Variants in PITPNB observed in about 807,000 individuals in gnomAD.
PITPNB encodes phosphatidylinositol transfer protein beta.
A neutral mutation model predicts 45.9 loss-of-function variants in PITPNB; 16 were observed. That is an observed-to-expected ratio of 0.35 (90% CI 0.24 to 0.53). The LOEUF is 0.53. Among genes scored for constraint, PITPNB ranks in the 20% least tolerant of loss-of-function variants. The pLI is 0.93. For missense variants in PITPNB, 188 were observed against 330.5 expected, an observed-to-expected ratio of 0.57 and a Z score of 3.34; for synonymous variants, 112 against 108.9, an observed-to-expected ratio of 1.03 and a Z score of -0.18.
intron 3 of PITPNB, 194 bp from the exon 4 acceptor site, chr22:27,898,086 GAAT>G: frequency 5.6e-6 from 3 of 539,738 alleles, no homozygotes; most frequent in Middle Eastern, 5.0e-4. Flanking sequence ...AAATGATTAA[GAAT>G]ATTTAGCTGG....
Position 27,854,876 on chromosome 22 carries a change from C to T in PITPNB, c.*16G>A. On this transcript the variant is annotated 3_prime_UTR_variant, in exon 11 of 12. Coordinates refer to ENST00000335272, the MANE Select transcript of PITPNB (RefSeq NM_012399.5). The stretch of plus-strand genomic sequence containing the variant: ...TACACAGTTTGACATTGTCTCTGAC[C>T]CTACAGGGGACTCATCTAGACATCA... 6.2e-7 allele frequency: 1 copy of T among 1,611,888 alleles called. No individual in the cohort carries two copies. The highest frequency in any genetic ancestry group is 8.5e-7 in the Non-Finnish European group (1 of 1,178,070).
At chr22:27,883,622 G>C (rs143572769) in intron 7 of PITPNB, among the ~76,000 whole-genome samples, 1 of 152,358 alleles carries the variant, frequency 6.6e-6, no homozygotes, top group East Asian at 1.9e-4. Context: ...GACCACACTT[G>C]AATGCAAAGG....
chr22:27,899,179 T>C (rs1935522194), intron 3 of PITPNB, among the ~76,000 whole-genome samples: 1 of 152,244 alleles, frequency 6.6e-6, no homozygotes, highest in Admixed American at 6.5e-5. Flanking sequence ...CATTGCACAG[T>C]ACAATGAGCT....
In PITPNB at chr22:27,914,923, T is replaced by A. The variant is rs189927330; in HGVS notation, c.21-576A>T. 1.6e-3 allele frequency among the ~76,000 whole-genome samples: 240 copies of A among 152,274 alleles called. 1 individual carries two copies. Among genetic ancestry groups the A allele is most frequent in the African/African-American group, 5.7e-3 (236 of 41,552 alleles). ...CTACTTGAACCTTATAATAATCCCT[T>A]CCAGCATATATACAATATAAGGTTG... On this transcript the variant is annotated intron_variant, in intron 1 of 11. Coordinates refer to ENST00000335272, the MANE Select transcript of PITPNB (RefSeq NM_012399.5).
Position 27,906,173 on chromosome 22 carries a change from GGTTATGA to G in PITPNB, c.197+4784_197+4790del, listed in dbSNP as rs1472731786. On this transcript the variant is annotated intron_variant, in intron 3 of 11. Transcript: ENST00000335272. Reference sequence around the variant, plus strand: ...TGAGGTGTACTCAGAAAACCAAGCAGGTTATGAGAGGCCCCAGCATAAGGGGCTGAAA... The same window carrying G: ...TGAGGTGTACTCAGAAAACCAAGCAGGAGGCCCCAGCATAAGGGGCTGAAA... Among the ~76,000 whole-genome samples the G allele has an allele frequency of 6.6e-5, 10 of 152,322 alleles. No homozygotes were observed. The East Asian group carries it at 1.9e-3, about 29-fold the overall frequency.
chr22:27,861,049 G>T (rs990635655), intron 8 of PITPNB, among the ~76,000 whole-genome samples: 6 of 113,536 alleles, frequency 5.3e-5, no homozygotes, highest in African/African-American at 9.8e-5. Flanking sequence ...AAAAAAAAAA[G>T]GCTGGGCACA....
chr22:27,888,046 T>C (rs1190758539), intron 7 of PITPNB, among the ~76,000 whole-genome samples: 2 of 152,236 alleles, frequency 1.3e-5, no homozygotes, highest in African/African-American at 2.4e-5. Flanking sequence ...ATTAATGGCA[T>C]CTTATGCATT....
intron 6 of PITPNB, among the ~76,000 whole-genome samples, chr22:27,895,701 A>G (rs1341179894): frequency 6.6e-6 from 1 of 152,224 alleles, no homozygotes; most frequent in Non-Finnish European, 1.5e-5. Flanking sequence ...TGGCATCAAT[A>G]ACGTAAGAGC....
intron 7 of PITPNB, among the ~76,000 whole-genome samples, chr22:27,885,212 T>TTAAAAAAAAA (rs1569019261): frequency 9.9e-5 from 3 of 30,232 alleles, no homozygotes; most frequent in East Asian, 1.2e-3. Context: ...AATTTATACC[T>TTAAAAAAAAA]AAAAAAAAAA....
intron 3 of PITPNB, among the ~76,000 whole-genome samples, chr22:27,909,929 AC>A (rs975911873): frequency 6.8e-6 from 1 of 147,056 alleles, no homozygotes; most frequent in African/African-American, 2.5e-5. Context: ...ATAAGCGTAC[AC>A]CACCATGCCC....
At chr22:27,906,395 C>T (rs934451873) in intron 3 of PITPNB, among the ~76,000 whole-genome samples, 36 of 152,162 alleles carry the variant, frequency 2.4e-4, no homozygotes, top group Admixed American at 2.2e-3. Flanking sequence ...GATGGTGAAA[C>T]CTGTGGTTTT....
intron 7 of PITPNB, among the ~76,000 whole-genome samples, chr22:27,876,855 T>C (rs1203835265): frequency 6.6e-6 from 1 of 152,190 alleles, no homozygotes; most frequent in African/African-American, 2.4e-5. Flanking sequence ...TAGTATTCTG[T>C]CTCCTTTGGG....
chr22:27,918,920 A>G (rs540802360), intron 1 of PITPNB, among the ~76,000 whole-genome samples: 13 of 151,454 alleles, frequency 8.6e-5, no homozygotes, highest in African/African-American at 2.9e-4. Context: ...TTCCCGAGCC[A>G]TGCGCTCGGG....
chr22:27,910,585 A>T (rs1837299278), intron 3 of PITPNB: 1 of 166,610 alleles, frequency 6.0e-6, no homozygotes, highest in South Asian at 1.6e-4. Flanking sequence ...CTGCAAAACC[A>T]TTCATATGGT....
chr22:27,883,954 C>CA (rs1363341745), intron 7 of PITPNB, among the ~76,000 whole-genome samples: 3 of 152,210 alleles, frequency 2.0e-5, no homozygotes, highest in Admixed American at 2.0e-4. Flanking sequence ...CTCATGCTCC[C>CA]ACTTGGGAGT....
intron 7 of PITPNB, among the ~76,000 whole-genome samples, chr22:27,877,322 T>TACA (rs1168238755): frequency 1.3e-5 from 2 of 152,014 alleles, no homozygotes; most frequent in Non-Finnish European, 2.9e-5. Flanking sequence ...AAAGAAAAAA[T>TACA]ACAATAGTAT....
chr22:27,910,707 T>C, intron 3 of PITPNB: 1 of 351,010 alleles, frequency 2.8e-6, no homozygotes, highest in South Asian at 6.2e-5. Flanking sequence ...AAGCTGCTTC[T>C]AGTGTTTCTC....
intron 7 of PITPNB, among the ~76,000 whole-genome samples, chr22:27,877,397 A>G (rs1399308555): frequency 6.6e-6 from 1 of 152,210 alleles, no homozygotes; most frequent in Non-Finnish European, 1.5e-5. Flanking sequence ...CTTATTTAAG[A>G]AAAAAAGGCA....
intron 7 of PITPNB, among the ~76,000 whole-genome samples, chr22:27,881,803 A>T (rs767123512): frequency 3.9e-5 from 6 of 152,174 alleles, no homozygotes; most frequent in Non-Finnish European, 7.4e-5. Flanking sequence ...CCAAAAATTA[A>T]TTTGGAGGAT....
Sources: gnomAD v4.1 joint callset for allele counts (sites outside exome capture counted in the v4.1 genomes callset) on GRCh38, gnomAD v4.1.1 for gene constraint, MANE v1.5 for transcripts, NCBI Gene and HGNC (gene_info 2026-07-23, HGNC 2026-07-21) for gene names.